The following KCNQ3 variants were observed in gnomAD, a reference collection of about 807,000 sequenced individuals.
KCNQ3 encodes the protein potassium voltage-gated channel subfamily KQT member 3.
A neutral mutation model predicts 92.5 loss-of-function variants in KCNQ3; 30 were observed. The ratio of observed to expected loss-of-function variants is 0.32; its 90% CI spans 0.24 to 0.44. The LOEUF is 0.44. Ranked by LOEUF, KCNQ3 falls within the 20% of genes least tolerant of loss-of-function variation. The pLI is 1.00. For missense variants in KCNQ3, 913 were observed against 1,140.3 expected (o/e 0.80, Z 2.87); for synonymous variants, 450 against 468.8 (o/e 0.96, Z 0.52).
At chr8:132,342,845 T>C (rs1165948731) in intron 1 of KCNQ3, among the ~76,000 whole-genome samples, 1 of 152,228 alleles carries the variant, frequency 6.6e-6, no homozygotes, top group African/African-American at 2.4e-5. Flanking sequence ...ACTGAATAAA[T>C]TGGGCATAGA....
chr8:132,381,748 C>CCCCAGCTACAAAG (rs1470207067), intron 1 of KCNQ3, among the ~76,000 whole-genome samples: 1 of 152,224 alleles, frequency 6.6e-6, no homozygotes. Context: ...CACCCCCAAA[C>CCCCAGCTACAAAG]CCCAGCTACA....
chr8:132,411,988 C>T (rs1239832581), intron 1 of KCNQ3, among the ~76,000 whole-genome samples: 2 of 152,182 alleles, frequency 1.3e-5, no homozygotes, highest in Non-Finnish European at 2.9e-5. Flanking sequence ...CTGGCCTTTT[C>T]TGGGGTTAGG....
chr8:132,221,594 G>T (rs1420363999), intron 1 of KCNQ3, among the ~76,000 whole-genome samples: 19 of 152,170 alleles, frequency 1.2e-4, no homozygotes, highest in Non-Finnish European at 7.3e-5. Flanking sequence ...TCATGTGTCT[G>T]TTGCCTGCAT....
At chr8:132,389,514 A>C (rs1466070632) in intron 1 of KCNQ3, among the ~76,000 whole-genome samples, 5 of 152,222 alleles carry the variant, frequency 3.3e-5, no homozygotes, top group Non-Finnish European at 1.5e-5. Flanking sequence ...GAAACACCAC[A>C]GAGTGAGAAA....
intron 8 of KCNQ3, among the ~76,000 whole-genome samples, chr8:132,168,991 A>T (rs1486059003): frequency 6.6e-6 from 1 of 151,994 alleles, no homozygotes; most frequent in Non-Finnish European, 1.5e-5. Flanking sequence ...TAACAATCTG[A>T]GCTCAGGCCC....
chr8:132,417,028 C>T (rs2130805254), intron 1 of KCNQ3, among the ~76,000 whole-genome samples: 1 of 152,318 alleles, frequency 6.6e-6, no homozygotes, highest in African/African-American at 2.4e-5. Context: ...CAAGTAGCCA[C>T]CACCATTATT....
intron 1 of KCNQ3, among the ~76,000 whole-genome samples, chr8:132,384,091 T>C (rs1055620859): frequency 6.6e-6 from 1 of 152,160 alleles, no homozygotes; most frequent in African/African-American, 2.4e-5. Flanking sequence ...CAAATCAGAG[T>C]TCACCTTCTA....
rs183316102 is a variant in KCNQ3, at chr8:132,399,725, C to T, written c.386+80422G>A. On this transcript the variant is annotated intron_variant, in intron 1 of 14. Coordinates refer to ENST00000388996, the MANE Select transcript of KCNQ3 (RefSeq NM_004519.4). Reference sequence around the variant, plus strand: ...TGTGTTCTTACTCGATGGTGAGATACTTGAAGAGAAGGGAAATCCTACACA... The same window carrying T: ...TGTGTTCTTACTCGATGGTGAGATATTTGAAGAGAAGGGAAATCCTACACA... Among the ~76,000 whole-genome samples, 240 of 152,272 alleles carry T rather than the reference C, an allele frequency of 1.6e-3. 1 individual carries two copies. Among genetic ancestry groups the T allele is most frequent in the Non-Finnish European group, 2.9e-3 (197 of 68,006 alleles).
At chr8:132,337,006 G>GC (rs1297443788) in intron 1 of KCNQ3, among the ~76,000 whole-genome samples, 1 of 152,198 alleles carries the variant, frequency 6.6e-6, no homozygotes, top group Non-Finnish European at 1.5e-5. Flanking sequence ...TAACAGGTAT[G>GC]CCCAGAGAGG....
At position 132,388,057 on chromosome 8, in the gene KCNQ3, G is replaced by GA. The variant is rs1184336922; in HGVS notation, c.386+92089dup. Among the ~76,000 whole-genome samples, 13 of 150,964 alleles carry GA rather than the reference G, an allele frequency of 8.6e-5. No homozygotes were observed. In the East Asian group the frequency reaches 2.1e-3, roughly 25 times the overall value. ...AGAGGAAGAGGAAGAAGAAGAAGAAGAGAAGAAGAAGAAGAAACATAAAGG... is the reference window on the plus strand; with the variant it reads ...AGAGGAAGAGGAAGAAGAAGAAGAAGAAGAAGAAGAAGAAGAAACATAAAGG... On this transcript the variant is annotated intron_variant, in intron 1 of 14. Coordinates refer to ENST00000388996, the MANE Select transcript of KCNQ3 (RefSeq NM_004519.4).
In KCNQ3 at chr8:132,225,078, T is replaced by G. The variant is rs530521719; in HGVS notation, c.387-38897A>C. ...TAGACCCACCAGTTTGTCCCCTGTTTGCAAATCAGGAAAAAATCTGGAAGT... is the reference window on the plus strand; with the variant it reads ...TAGACCCACCAGTTTGTCCCCTGTTGGCAAATCAGGAAAAAATCTGGAAGT... On this transcript the variant is annotated intron_variant, in intron 1 of 14. Coordinates refer to ENST00000388996, the MANE Select transcript of KCNQ3 (RefSeq NM_004519.4). Among the ~76,000 whole-genome samples, 29 of 152,338 alleles carry G rather than the reference T, an allele frequency of 1.9e-4. No homozygotes were observed. The East Asian group carries it at 5.6e-3, about 29-fold the overall frequency.
intron 1 of KCNQ3, among the ~76,000 whole-genome samples, chr8:132,266,954 G>A (rs1230352117): frequency 6.6e-6 from 1 of 152,134 alleles, no homozygotes; most frequent in African/African-American, 2.4e-5. Context: ...GAAATTTCAA[G>A]ATTTATTTAT....
intron 1 of KCNQ3, among the ~76,000 whole-genome samples, chr8:132,472,411 T>C (rs1435591269): frequency 1.3e-5 from 2 of 152,134 alleles, no homozygotes; most frequent in African/African-American, 2.4e-5. Flanking sequence ...ATGTACACAA[T>C]GGAATACTAG....
rs1057520808 is a variant in KCNQ3, at chr8:132,184,382, A to G, written c.478-15T>C. The G allele has an allele frequency of 5.8e-5, 93 of 1,613,690 alleles. No individual in the cohort carries two copies. Among genetic ancestry groups the G allele is most frequent in the Non-Finnish European group, 7.1e-5 (84 of 1,179,936 alleles). On this transcript the variant is annotated splice_polypyrimidine_tract_variant and intron_variant, in intron 2 of 14. Transcript: ENST00000388996. Reference sequence around the variant, plus strand: ...GCAAATGTCTCCTGCATGGAAGAGCATATGGAGAGGCACTGATTAACCGAG... The same window carrying G: ...GCAAATGTCTCCTGCATGGAAGAGCGTATGGAGAGGCACTGATTAACCGAG...
intron 1 of KCNQ3, among the ~76,000 whole-genome samples, chr8:132,289,526 T>C (rs1004158158): frequency 1.9e-4 from 29 of 152,154 alleles, no homozygotes; most frequent in African/African-American, 7.0e-4. Context: ...ATTGCCTTTT[T>C]CTCTTCTATC....
intron 1 of KCNQ3, among the ~76,000 whole-genome samples, chr8:132,412,385 G>A (rs1351566039): frequency 6.6e-6 from 1 of 151,934 alleles, no homozygotes; most frequent in Non-Finnish European, 1.5e-5. Context: ...CACACATTTT[G>A]AGGAAAAGAT....
At chr8:132,255,345 AGAAGTTTGTT>A (rs1285714560) in intron 1 of KCNQ3, among the ~76,000 whole-genome samples, 26 of 152,248 alleles carry the variant, frequency 1.7e-4, no homozygotes, top group Non-Finnish European at 3.2e-4. Flanking sequence ...TTTCCCTCAG[AGAAGTTTGTT>A]GAAAACAAGC....
At chr8:132,386,115 C>T (rs576156011) in intron 1 of KCNQ3, among the ~76,000 whole-genome samples, 139 of 152,080 alleles carry the variant, frequency 9.1e-4, no homozygotes, top group Non-Finnish European at 1.7e-3. Context: ...TCTTGATACA[C>T]GTTCCTAAAA....
chr8:132,470,787 A>G, intron 1 of KCNQ3, among the ~76,000 whole-genome samples: 1 of 152,172 alleles, frequency 6.6e-6, no homozygotes, highest in Non-Finnish European at 1.5e-5. Flanking sequence ...ATTAACTGAA[A>G]CAGTTCCCCT....
Sources: allele counts gnomAD v4.1 joint callset (sites outside exome capture counted in the v4.1 genomes callset), GRCh38; gene constraint gnomAD v4.1.1; transcripts MANE v1.5; gene names NCBI Gene and HGNC (gene_info 2026-07-23, HGNC 2026-07-21).